The following SLCO3A1 variants were observed in gnomAD, a reference collection of about 807,000 sequenced individuals.
SLCO3A1 encodes solute carrier organic anion transporter family member 3A1, also known as PGE1 transporter.
In SLCO3A1, 27 loss-of-function variants were observed where a neutral mutation model predicts 63.1. The ratio of observed to expected loss-of-function variants is 0.43; its 90% CI spans 0.32 to 0.59. The LOEUF is 0.59. Among genes scored for constraint, SLCO3A1 ranks in the 20% least tolerant of loss-of-function variants. The probability of loss-of-function intolerance (pLI) is 0.09; values close to 1 mark genes in which losing one functional copy is unlikely to be tolerated. For synonymous variants in SLCO3A1, 473 were observed against 409.9 expected (o/e 1.15, Z -1.86); for missense variants, 773 against 945.8 (o/e 0.82, Z 2.40).
At chr15:92,114,416 C>T (rs534784632) in intron 4 of SLCO3A1, among the ~76,000 whole-genome samples, 1 of 152,286 alleles carries the variant, frequency 6.6e-6, no homozygotes, top group African/African-American at 2.4e-5. Flanking sequence ...GACAGAACTG[C>T]TCCATCCTTG....
chr15:92,158,751 C>T (rs561425179), intron 9 of SLCO3A1, among the ~76,000 whole-genome samples: 1 of 152,290 alleles, frequency 6.6e-6, no homozygotes, highest in South Asian at 2.1e-4. Context: ...TGGCAGAGGC[C>T]TCTAACAAAA....
chr15:91,945,329 G>A (rs1252750810), intron 2 of SLCO3A1, among the ~76,000 whole-genome samples: 2 of 129,442 alleles, frequency 1.5e-5, no homozygotes, highest in Non-Finnish European at 3.2e-5. Context: ...GAGACAGAGT[G>A]AGACTCCATC....
intron 2 of SLCO3A1, among the ~76,000 whole-genome samples, chr15:92,068,171 G>T (rs776834805): frequency 3.9e-5 from 6 of 152,200 alleles, no homozygotes; most frequent in African/African-American, 1.4e-4. Context: ...AAATCAGATG[G>T]TGCAGGCGTG....
intron 2 of SLCO3A1, among the ~76,000 whole-genome samples, chr15:91,924,282 T>C (rs1232034703): frequency 6.6e-6 from 1 of 152,206 alleles, no homozygotes; most frequent in African/African-American, 2.4e-5. Flanking sequence ...GCAAAGTTAG[T>C]GTTTCCAGAT....
At chr15:92,119,647 G>T (rs943460555) in intron 4 of SLCO3A1, among the ~76,000 whole-genome samples, 1 of 152,198 alleles carries the variant, frequency 6.6e-6, no homozygotes, top group Non-Finnish European at 1.5e-5. Context: ...CACTGGGGCT[G>T]GACTGGAGGG....
chr15:91,890,447 T>A (rs899568157), intron 1 of SLCO3A1, among the ~76,000 whole-genome samples: 1 of 152,188 alleles, frequency 6.6e-6, no homozygotes, highest in Non-Finnish European at 1.5e-5. Context: ...GAGACCTTGA[T>A]ACCTACTCAT....
At chr15:91,981,354 T>A (rs1176912554) in intron 2 of SLCO3A1, among the ~76,000 whole-genome samples, 1 of 152,174 alleles carries the variant, frequency 6.6e-6, no homozygotes, top group African/African-American at 2.4e-5. Context: ...TGTAAACTCG[T>A]CCTGTGAGGC....
Position 91,889,293 on chromosome 15 carries a change from C to G in SLCO3A1, c.181-26700C>G, listed in dbSNP as rs1897811215. The G allele has an allele frequency of 1.8e-5, 9 of 500,504 alleles. No individual in the cohort carries two copies. The Admixed American group carries it at 2.1e-4, about 12-fold the overall frequency. The allele number at this position is 500,504 out of a possible 1,614,324, so 31.0% of individuals were successfully genotyped here. A position where few individuals can be genotyped will look rare whatever the true frequency, so the allele number is the denominator to read the frequency against. ...TTGCAACACTTTATGGGCTTCATAGCACCTGTAGGCCTCTGCTATCTCCCC... is the reference window on the plus strand; with the variant it reads ...TTGCAACACTTTATGGGCTTCATAGGACCTGTAGGCCTCTGCTATCTCCCC... On this transcript the variant is annotated intron_variant, in intron 1 of 9. Coordinates refer to ENST00000318445, the MANE Select transcript of SLCO3A1 (RefSeq NM_013272.4).
chr15:92,150,588 T>TC (rs987074435), intron 8 of SLCO3A1, among the ~76,000 whole-genome samples: 18 of 151,940 alleles, frequency 1.2e-4, no homozygotes, highest in Admixed American at 4.6e-4. Flanking sequence ...GTTGATGTTT[T>TC]CCCCCCCATA....
intron 2 of SLCO3A1, among the ~76,000 whole-genome samples, chr15:92,021,507 C>T (rs919823294): frequency 3.3e-5 from 5 of 152,262 alleles, no homozygotes; most frequent in Admixed American, 6.5e-5. Context: ...AGACACAATG[C>T]ATTTTGAGAA....
chr15:92,083,090 C>A (rs920223565), intron 2 of SLCO3A1, among the ~76,000 whole-genome samples: 1 of 152,178 alleles, frequency 6.6e-6, no homozygotes, highest in African/African-American at 2.4e-5. Flanking sequence ...CTGCTGAATG[C>A]ATTACTTTTA....
chr15:92,146,983 G>T lies in SLCO3A1; in HGVS notation c.1513-1G>T. The T allele has an allele frequency of 6.2e-7, 1 of 1,605,540 alleles. No homozygotes were observed. On this transcript the variant is annotated splice_acceptor_variant, in intron 7 of 9. Coordinates refer to ENST00000318445, the MANE Select transcript of SLCO3A1 (RefSeq NM_013272.4). LOFTEE classifies it high-confidence loss of function. ...AAAAGGGCTGAACGCTTCCCTTTCA[G>T]AATCTCACGGGCTGTGCGTGCCTCA...
In SLCO3A1 at chr15:92,104,350, G is replaced by T; in HGVS notation, c.817G>T (p.Ala273Ser). 6.2e-7 allele frequency: 1 copy of T among 1,614,192 alleles called. No individual in the cohort carries two copies. The highest frequency in any genetic ancestry group is 8.5e-7 in the Non-Finnish European group (1 of 1,180,044). ...AWWGGFLLCG[A>S]LLFFSSLLMF... ...GTGGGGTGGCTTTCTGCTCTGCGGT[G>T]CCTTACTCTTCTTCTCTTCCCTCTT... Residue 273 changes from alanine to serine, a missense_variant, in exon 4 of 10, where the codon GCC becomes TCC. Physicochemically the swap from Ala to Ser is moderately conservative, Grantham distance 99. Coordinates refer to ENST00000318445, the MANE Select transcript of SLCO3A1 (RefSeq NM_013272.4).
chr15:91,889,249 T>A, intron 1 of SLCO3A1: 3 of 982,852 alleles, frequency 3.1e-6, no homozygotes, highest in Non-Finnish European at 4.2e-6. Flanking sequence ...TGGGTGGTCC[T>A]GCTGGACCTG....
intron 2 of SLCO3A1, among the ~76,000 whole-genome samples, chr15:92,016,557 G>T (rs1259959553): frequency 1.3e-5 from 2 of 152,316 alleles, no homozygotes; most frequent in African/African-American, 4.8e-5. Context: ...GAGGTAGGTA[G>T]TGTGCAGCAC....
At chr15:91,911,055 C>T (rs1004110852) in intron 1 of SLCO3A1, among the ~76,000 whole-genome samples, 8 of 152,170 alleles carry the variant, frequency 5.3e-5, no homozygotes, top group Non-Finnish European at 8.8e-5. Context: ...AATACTTGGC[C>T]GTGGCCTCTG....
intron 4 of SLCO3A1, among the ~76,000 whole-genome samples, chr15:92,111,017 C>G (rs996881534): frequency 6.6e-6 from 1 of 152,236 alleles, no homozygotes; most frequent in African/African-American, 2.4e-5. Context: ...CTGACTTGCC[C>G]TGGGGACTCT....
At chr15:92,012,796 C>T (rs546393049) in intron 2 of SLCO3A1, among the ~76,000 whole-genome samples, 3 of 149,664 alleles carry the variant, frequency 2.0e-5, no homozygotes, top group Admixed American at 6.6e-5. Context: ...AGGCCCTGCT[C>T]GACTGAGGTA....
rs1368242487 is a variant in SLCO3A1, at chr15:92,052,080, C to T, written c.647-42801C>T. Among the ~76,000 whole-genome samples, 4 of 152,148 alleles carry T rather than the reference C, an allele frequency of 2.6e-5. No individual in the cohort carries two copies. In the East Asian group the frequency reaches 7.7e-4, roughly 29 times the overall value. ...TTCAGAGCAAAAGTGGTACTCCACA[C>T]TGCCCGTGTCCCTGCTCATCGCCAT... On this transcript the variant is annotated intron_variant, in intron 2 of 9. Transcript: ENST00000318445.
Sources: allele counts gnomAD v4.1 joint callset (sites outside exome capture counted in the v4.1 genomes callset), GRCh38; gene constraint gnomAD v4.1.1; transcripts MANE v1.5; gene names NCBI Gene and HGNC (gene_info 2026-07-23, HGNC 2026-07-21).